Variants in TMEM108 observed in about 807,000 individuals in gnomAD.
The protein encoded by TMEM108 is cancer/testis antigen 124.
Under a neutral mutation model 35.1 loss-of-function variants are expected in TMEM108, and 12 were observed. That is an observed-to-expected ratio of 0.34 (90% CI 0.22 to 0.55). The LOEUF is 0.55. Among genes scored for constraint, TMEM108 ranks in the 20% least tolerant of loss-of-function variants. The probability of loss-of-function intolerance (pLI) is 0.89; values close to 1 mark genes in which losing one functional copy is unlikely to be tolerated. For missense variants in TMEM108, 680 were observed against 753.3 expected (o/e 0.90, Z 1.14); for synonymous variants, 287 against 308.6 (o/e 0.93, Z 0.73).
chr3:133,314,686 T>C (rs1004981292), intron 3 of TMEM108, among the ~76,000 whole-genome samples: 3 of 152,238 alleles, frequency 2.0e-5, no homozygotes, highest in African/African-American at 7.2e-5. Flanking sequence ...GATCTGCTGG[T>C]GCTTTGTAGC....
chr3:133,325,951 G>A (rs1174884838), intron 3 of TMEM108, among the ~76,000 whole-genome samples: 1 of 152,000 alleles, frequency 6.6e-6, no homozygotes, highest in Non-Finnish European at 1.5e-5. Context: ...GAAATATGAT[G>A]TCTGGGATTA....
At chr3:133,384,137 T>A (rs532425417) in intron 4 of TMEM108, among the ~76,000 whole-genome samples, 42 of 152,364 alleles carry the variant, frequency 2.8e-4, no homozygotes, top group African/African-American at 9.1e-4. Context: ...GCCCCTTGTT[T>A]TGGACCTTCT....
chr3:133,395,369 G>A (rs553815800), intron 5 of TMEM108, among the ~76,000 whole-genome samples: 26 of 152,318 alleles, frequency 1.7e-4, no homozygotes, highest in African/African-American at 6.3e-4. Flanking sequence ...TGACAGGTGG[G>A]TAGCAGGAAA....
intron 2 of TMEM108, among the ~76,000 whole-genome samples, chr3:133,183,892 C>T (rs1054575677): frequency 7.9e-5 from 12 of 152,036 alleles, no homozygotes; most frequent in Non-Finnish European, 1.6e-4. Flanking sequence ...AACCAGCAAA[C>T]GGGAGATGGC....
chr3:133,321,402 A>G (rs1235087899), intron 3 of TMEM108, among the ~76,000 whole-genome samples: 4 of 152,186 alleles, frequency 2.6e-5, no homozygotes, highest in African/African-American at 9.6e-5. Context: ...TGAAGCAACA[A>G]CAGTTTAAAA....
At position 133,088,197 on chromosome 3, in the gene TMEM108, G is replaced by A. The variant is rs958533473; in HGVS notation, c.-47+42177G>A. 3.3e-5 allele frequency among the ~76,000 whole-genome samples: 5 copies of A among 152,060 alleles called. No individual in the cohort carries two copies. The East Asian group carries it at 9.6e-4, about 29-fold the overall frequency. ...AGGCCTAAAACAGCTATCCAGCAGT[G>A]GTAGGGAGCCTGAGAAGTGCATGCT... On this transcript the variant is annotated intron_variant, in intron 2 of 5. Coordinates refer to ENST00000321871, the MANE Select transcript of TMEM108 (RefSeq NM_023943.4).
At chr3:133,253,128 C>T (rs953827347) in intron 3 of TMEM108, among the ~76,000 whole-genome samples, 15 of 152,142 alleles carry the variant, frequency 9.9e-5, no homozygotes, top group Non-Finnish European at 1.8e-4. Context: ...CTTCAGGGGT[C>T]CTGGGACCAG....
chr3:133,330,700 G>A (rs2071384208), intron 3 of TMEM108, among the ~76,000 whole-genome samples: 2 of 152,046 alleles, frequency 1.3e-5, no homozygotes, highest in African/African-American at 2.4e-5. Context: ...AATGGAGCCA[G>A]CTTTGTTGGC....
intron 1 of TMEM108, among the ~76,000 whole-genome samples, chr3:133,039,915 C>T (rs554766908): frequency 6.6e-6 from 1 of 152,304 alleles, no homozygotes; most frequent in African/African-American, 2.4e-5. Flanking sequence ...GAAATGCCTA[C>T]ACTTGCCAAG....
Position 133,185,381 on chromosome 3 carries a change from C to G in TMEM108, c.-46-43885C>G, listed in dbSNP as rs545100557. Among the ~76,000 whole-genome samples, 6 of 152,068 alleles carry G rather than the reference C, an allele frequency of 3.9e-5. No homozygotes were observed. In the South Asian group the frequency reaches 1.3e-3, roughly 32 times the overall value. On this transcript the variant is annotated intron_variant, in intron 2 of 5. Transcript: ENST00000321871. ...TGCTTTTGGTTTAACTACTGCATTTCCCTCTGCCTCTTACCCTGCCTTCAC... is the reference window on the plus strand; with the variant it reads ...TGCTTTTGGTTTAACTACTGCATTTGCCTCTGCCTCTTACCCTGCCTTCAC...
intron 2 of TMEM108, among the ~76,000 whole-genome samples, chr3:133,099,248 C>T (rs1944055399): frequency 6.6e-6 from 1 of 152,206 alleles, no homozygotes; most frequent in South Asian, 2.1e-4. Flanking sequence ...TGGCTCCTTT[C>T]AGCCATGGCT....
intron 4 of TMEM108, chr3:133,389,619 G>C (rs1272501770): frequency 6.5e-6 from 1 of 153,600 alleles, no homozygotes; most frequent in African/African-American, 2.5e-5. Flanking sequence ...CCAGGAGGCA[G>C]AGGTTGCAGT....
chr3:133,372,854 C>T (rs2072715531), intron 3 of TMEM108, among the ~76,000 whole-genome samples: 1 of 152,194 alleles, frequency 6.6e-6, no homozygotes, highest in Non-Finnish European at 1.5e-5. Flanking sequence ...AAGATTTGCA[C>T]TCAAAACTCC....
chr3:133,078,822 G>T (rs1943776349), intron 2 of TMEM108, among the ~76,000 whole-genome samples: 1 of 151,872 alleles, frequency 6.6e-6, no homozygotes, highest in Non-Finnish European at 1.5e-5. Context: ...TATCATAGTT[G>T]GATCTTGTAG....
chr3:133,384,021 C>T (rs1329074844), intron 4 of TMEM108, among the ~76,000 whole-genome samples: 1 of 152,182 alleles, frequency 6.6e-6, no homozygotes, highest in Non-Finnish European at 1.5e-5. Context: ...ATTTGTCCAG[C>T]TTCAGAACCC....
At position 133,316,324 on chromosome 3, in the gene TMEM108, C is replaced by T. The variant is rs569169807; in HGVS notation, c.41-63428C>T. ...ATAGATATCCTCCATATTATATGAA[C>T]ATATTTTGCAATGGAAACTGAAAAA... On this transcript the variant is annotated intron_variant, in intron 3 of 5. Coordinates refer to ENST00000321871, the MANE Select transcript of TMEM108 (RefSeq NM_023943.4). Among the ~76,000 whole-genome samples, 31 of 152,236 alleles carry T rather than the reference C, an allele frequency of 2.0e-4. No homozygotes were observed. In the South Asian group the frequency reaches 6.0e-3, roughly 30 times the overall value.
At chr3:133,376,548 G>A (rs192808466) in intron 3 of TMEM108, among the ~76,000 whole-genome samples, 237 of 152,282 alleles carry the variant, frequency 1.6e-3, no homozygotes, top group African/African-American at 4.9e-3. Flanking sequence ...GAGACCTGGC[G>A]TCAGTCAGGA....
intron 3 of TMEM108, among the ~76,000 whole-genome samples, chr3:133,307,475 G>C (rs147527344): frequency 6.6e-6 from 1 of 152,184 alleles, no homozygotes; most frequent in East Asian, 1.9e-4. Context: ...GTATTGCCTA[G>C]TTTTTCTTCT....
chr3:133,050,017 G>A (rs922049944), intron 2 of TMEM108, among the ~76,000 whole-genome samples: 4 of 152,146 alleles, frequency 2.6e-5, no homozygotes, highest in African/African-American at 9.7e-5. Flanking sequence ...AGAATTTTCA[G>A]TTGATATTAT....
Sources: allele counts gnomAD v4.1 joint callset (sites outside exome capture counted in the v4.1 genomes callset), GRCh38; gene constraint gnomAD v4.1.1; transcripts MANE v1.5; gene names NCBI Gene and HGNC (gene_info 2026-07-23, HGNC 2026-07-21).